Variants in GMDS observed in about 807,000 individuals in gnomAD.
GMDS encodes the protein GDP-mannose 4,6-dehydratase.
GMDS carries 20 observed loss-of-function variants against 49.9 expected under a neutral mutation model. That is an observed-to-expected ratio of 0.40 (90% CI 0.28 to 0.58). The LOEUF (loss-of-function observed/expected upper bound fraction) is 0.58. Among genes scored for constraint, GMDS ranks in the 20% least tolerant of loss-of-function variants. The pLI, the probability that GMDS is intolerant of heterozygous loss-of-function variation, is 0.42. For missense variants in GMDS, 362 were observed against 481.4 expected, an observed-to-expected ratio of 0.75 and a Z score of 2.32; for synonymous variants, 177 against 178.6, an observed-to-expected ratio of 0.99 and a Z score of 0.07.
intron 4 of GMDS, among the ~76,000 whole-genome samples, chr6:1,987,669 G>A (rs891827443): frequency 2.0e-5 from 3 of 152,184 alleles, no homozygotes; most frequent in Admixed American, 2.0e-4. Flanking sequence ...AAGCTGGAAA[G>A]GGAGAGGACG....
chr6:1,760,857 G>A (rs531990569), intron 7 of GMDS, among the ~76,000 whole-genome samples: 10 of 152,104 alleles, frequency 6.6e-5, no homozygotes, highest in African/African-American at 1.9e-4. Flanking sequence ...TTGTTCTTTC[G>A]GGTGGTCCAA....
intron 1 of GMDS, among the ~76,000 whole-genome samples, chr6:2,169,623 A>C (rs1201308954): frequency 6.7e-6 from 1 of 148,178 alleles, no homozygotes; most frequent in East Asian, 1.9e-4. Context: ...CCAGGCAGCA[A>C]AAAAAAAAAA....
chr6:1,662,891 GCA>G (rs890711199), intron 9 of GMDS, among the ~76,000 whole-genome samples: 25 of 152,182 alleles, frequency 1.6e-4, no homozygotes, highest in African/African-American at 5.6e-4. Flanking sequence ...TAAAGAATGA[GCA>G]CAGATTCAGA....
Position 2,185,830 on chromosome 6 carries a change from C to G in GMDS, c.102+59491G>C, listed in dbSNP as rs1017007366. On this transcript the variant is annotated intron_variant, in intron 1 of 10. Coordinates refer to ENST00000380815, the MANE Select transcript of GMDS (RefSeq NM_001500.4). Reference sequence around the variant, plus strand: ...CATCAGCCTCGTCTATGTAGTAAGGCTGGGGCTGCACCCTGAGTTTCTAGA... The same window carrying G: ...CATCAGCCTCGTCTATGTAGTAAGGGTGGGGCTGCACCCTGAGTTTCTAGA... Among the ~76,000 whole-genome samples, 4 of 152,156 alleles carry G rather than the reference C, an allele frequency of 2.6e-5. No homozygotes were observed. In the East Asian group the frequency reaches 7.7e-4, roughly 29 times the overall value.
At chr6:1,704,913 G>A (rs1765679517) in intron 9 of GMDS, among the ~76,000 whole-genome samples, 2 of 152,222 alleles carry the variant, frequency 1.3e-5, no homozygotes. Context: ...TTCCTAAAAA[G>A]TACCTTTGAA....
intron 1 of GMDS, 39 bp downstream of exon 1, chr6:2,245,282 A>G (rs1273138543): frequency 5.2e-6 from 7 of 1,350,690 alleles, no homozygotes; most frequent in Non-Finnish European, 6.1e-6. Flanking sequence ...ACGCGTGCCC[A>G]GGCTGCCTCG....
chr6:2,235,819 T>TA (rs1309985892), intron 1 of GMDS, among the ~76,000 whole-genome samples: 4 of 112,354 alleles, frequency 3.6e-5, no homozygotes, highest in South Asian at 2.8e-4. Context: ...TAAAAAAAAA[T>TA]AAAAAAAATA....
intron 1 of GMDS, among the ~76,000 whole-genome samples, chr6:2,203,318 T>C (rs1242973485): frequency 1.3e-5 from 2 of 152,196 alleles, no homozygotes; most frequent in African/African-American, 2.4e-5. Context: ...AAGAAACTTA[T>C]GAAAAACAAT....
At chr6:2,237,147 A>G (rs963466911) in intron 1 of GMDS, among the ~76,000 whole-genome samples, 1 of 152,226 alleles carries the variant, frequency 6.6e-6, no homozygotes, top group Admixed American at 6.5e-5. Flanking sequence ...ATGTAACTCA[A>G]TTCTACATAA....
chr6:2,154,863 CAAAAAAAAAAAAA>C (rs70992124), intron 1 of GMDS, among the ~76,000 whole-genome samples: 4 of 65,626 alleles, frequency 6.1e-5, no homozygotes, highest in Non-Finnish European at 8.9e-5. Context: ...TGAAGAGATG[CAAAAAAAAAAAAA>C]AAAAAAAAAA....
At chr6:2,163,073 A>G (rs1235153591) in intron 1 of GMDS, among the ~76,000 whole-genome samples, 9 of 152,230 alleles carry the variant, frequency 5.9e-5, no homozygotes, top group Non-Finnish European at 1.3e-4. Flanking sequence ...TGTCGTAAGG[A>G]AAGTCTGGAC....
At chr6:2,059,847 GC>G (rs1233114219) in intron 4 of GMDS, among the ~76,000 whole-genome samples, 1 of 151,006 alleles carries the variant, frequency 6.6e-6, no homozygotes, top group Non-Finnish European at 1.5e-5. Context: ...AGAGACACTG[GC>G]CCCCAAAAAT....
chr6:2,141,613 G>A (rs906176674), intron 1 of GMDS, among the ~76,000 whole-genome samples: 1 of 152,154 alleles, frequency 6.6e-6, no homozygotes, highest in Non-Finnish European at 1.5e-5. Flanking sequence ...GGGATGAAGA[G>A]GGGAGGGGAA....
chr6:1,928,909 T>C (rs1478812583), intron 7 of GMDS, among the ~76,000 whole-genome samples: 4 of 152,002 alleles, frequency 2.6e-5, no homozygotes, highest in East Asian at 1.9e-4. Context: ...GCCGAGGTTG[T>C]AGTGAGGCGA....
rs1763259956 is a variant in GMDS at position 1,949,952 on chromosome 6, T to C, written c.643+9915A>G. 2.0e-5 allele frequency among the ~76,000 whole-genome samples: 3 copies of C among 152,248 alleles called. 1 individual carries two copies. The South Asian group carries it at 6.2e-4, about 31-fold the overall frequency. On this transcript the variant is annotated intron_variant, in intron 6 of 10. Transcript: ENST00000380815. ...AAAGCCACAAAGCACCTTTTATAGC[T>C]AGAAATACAAACAAAATATTAAGGT...
At chr6:1,922,447 AG>A (rs1422420401) in intron 7 of GMDS, among the ~76,000 whole-genome samples, 1 of 152,210 alleles carries the variant, frequency 6.6e-6, no homozygotes, top group Non-Finnish European at 1.5e-5. Flanking sequence ...GGAGGCAGAC[AG>A]GGGCAGGTCC....
intron 4 of GMDS, among the ~76,000 whole-genome samples, chr6:2,020,036 A>G (rs1170949223): frequency 1.3e-5 from 2 of 152,276 alleles, no homozygotes; most frequent in East Asian, 3.9e-4. Context: ...ATATTAGTAT[A>G]TTGTTTTCTT....
At chr6:1,942,989 C>T (rs981469428) in intron 6 of GMDS, among the ~76,000 whole-genome samples, 1 of 152,224 alleles carries the variant, frequency 6.6e-6, no homozygotes, top group African/African-American at 2.4e-5. Context: ...CTGCACCTGT[C>T]CTGAAAACTC....
chr6:1,722,335 C>T (rs1766417118), intron 9 of GMDS, among the ~76,000 whole-genome samples: 1 of 151,418 alleles, frequency 6.6e-6, no homozygotes, highest in Admixed American at 6.6e-5. Context: ...GATCTGCCCG[C>T]CTCGGCCTCC....
Sources: gnomAD v4.1 joint callset for allele counts (sites outside exome capture counted in the v4.1 genomes callset) on GRCh38, gnomAD v4.1.1 for gene constraint, MANE v1.5 for transcripts, NCBI Gene and HGNC (gene_info 2026-07-23, HGNC 2026-07-21) for gene names.